Variants in PADI4 observed in about 807,000 individuals in gnomAD.
PADI4 encodes protein-arginine deiminase type-4.
A neutral mutation model predicts 75.0 loss-of-function variants in PADI4; 62 were observed. That is an observed-to-expected ratio of 0.83 (90% confidence interval 0.67 to 1.02). The LOEUF (loss-of-function observed/expected upper bound fraction) is 1.02. PADI4 is among the 50% of genes least tolerant of loss of function. The probability of loss-of-function intolerance (pLI) is 0.00; values close to 1 mark genes in which losing one functional copy is unlikely to be tolerated. For synonymous variants in PADI4, 361 were observed against 348.1 expected (o/e 1.04, Z -0.41); for missense variants, 845 against 850.5 (o/e 0.99, Z 0.08).
rs2074261934 is a variant in PADI4, at chr1:17,333,975, A to C, written c.306A>C (p.Pro102=). 8 of 1,613,012 alleles carry C rather than the reference A, an allele frequency of 5.0e-6. No individual in the cohort carries two copies. The highest frequency in any genetic ancestry group is 6.8e-6 in the Non-Finnish European group (8 of 1,179,020). Residue 102 remains proline, a synonymous_variant, in exon 3 of 16, where the codon CCA becomes CCC. Transcript: ENST00000375448. ...TTTCATACTACGGACCCAAGACTCC[A>C]CCAGTCAAAGCTCTACTCTACCTCA... ...VQISYYGPKT[P]PVKALLYLTG...
intron 13 of PADI4, among the ~76,000 whole-genome samples, chr1:17,357,504 G>A (rs1336477358): frequency 2.0e-5 from 3 of 152,112 alleles, no homozygotes; most frequent in Non-Finnish European, 2.9e-5. Flanking sequence ...CAACTAAATG[G>A]TACTTGTAGC....
intron 10 of PADI4, among the ~76,000 whole-genome samples, chr1:17,351,440 A>C (rs1043599611): frequency 6.7e-6 from 1 of 150,300 alleles, no homozygotes; most frequent in Non-Finnish European, 1.5e-5. Context: ...AAAAAAAAAA[A>C]ATTAAAAATA....
rs138607295 is a variant in PADI4 at position 17,346,289 on chromosome 1, G to A, written c.1047+150G>A. ...TAGGAACCTGAGAGATCCTTGGGCC[G>A]GGAGGCTCAAGCAAGTGATTCATCT... On this transcript the variant is annotated intron_variant, in intron 9 of 15. Transcript: ENST00000375448. The surrounding 1 kb of genome is among the most constrained non-coding windows in gnomAD (Gnocchi z 4.3). 930 of 600,400 alleles carry A rather than the reference G, an allele frequency of 1.5e-3. No individual in the cohort carries two copies. Among genetic ancestry groups the A allele is most frequent in the Non-Finnish European group, 2.3e-3 (774 of 332,338 alleles). The allele number at this position is 600,400 out of a possible 1,614,324, so 37.2% of individuals were successfully genotyped here.
intron 8 of PADI4, among the ~76,000 whole-genome samples, chr1:17,343,908 T>C (rs1436080938): frequency 1.3e-5 from 2 of 151,934 alleles, no homozygotes; most frequent in Admixed American, 1.3e-4. Context: ...TTGATACCAG[T>C]AGAGGGGGGC....
Position 17,354,531 on chromosome 1 carries a change from A to G in PADI4, c.1156-2A>G, listed in dbSNP as rs1263229516. 1 of 1,612,932 alleles carries G rather than the reference A, an allele frequency of 6.2e-7. No individual in the cohort carries two copies. Among genetic ancestry groups the G allele is most frequent in the Non-Finnish European group, 8.5e-7 (1 of 1,179,050 alleles). On this transcript the variant is annotated splice_acceptor_variant, in intron 10 of 15. Coordinates refer to ENST00000375448, the MANE Select transcript of PADI4 (RefSeq NM_012387.3). LOFTEE classifies it high-confidence loss of function. ...TCTTGGCACTCCCTTCTCCTATCTC[A>G]GGGTCCAGATTTTGGCTATGTAACT...
At chr1:17,355,095 T>A (rs947144072) in intron 11 of PADI4, among the ~76,000 whole-genome samples, 9 of 151,856 alleles carry the variant, frequency 5.9e-5, no homozygotes, top group African/African-American at 2.2e-4. Context: ...ACCAGGGAGG[T>A]CCTCTCTGGG....
intron 10 of PADI4, among the ~76,000 whole-genome samples, chr1:17,351,869 A>G (rs796617728): frequency 5.8e-5 from 8 of 137,514 alleles, no homozygotes; most frequent in East Asian, 2.0e-4. Flanking sequence ...AGGCAGTCAG[A>G]GAGGAGATAG....
chr1:17,362,290 C>T (rs548289831), intron 15 of PADI4, among the ~76,000 whole-genome samples: 35 of 146,228 alleles, frequency 2.4e-4, no homozygotes, highest in Admixed American at 9.8e-4. Context: ...GAGGTGGACA[C>T]TGCAGTGAGC....
At chr1:17,337,740 T>C (rs1748026) in intron 4 of PADI4, among the ~76,000 whole-genome samples, 97,040 of 151,082 alleles carry the variant, frequency 0.64, 31,282 homozygotes, top group Non-Finnish European at 0.67. Context: ...CATGGTGAAA[T>C]CCCATCTCTA....
At position 17,356,285 on chromosome 1, in the gene PADI4, C is replaced by G. The variant is rs183854438; in HGVS notation, c.1456-72C>G. On this transcript the variant is annotated intron_variant, in intron 12 of 15. Coordinates refer to ENST00000375448, the MANE Select transcript of PADI4 (RefSeq NM_012387.3). This position sits in a 1 kb window ranked among gnomAD's most constrained non-coding sequence, Gnocchi z 4.1. ...GGTCCAAGTCCACACTACTCCCACC[C>G]TCAGCAGATCCACCCTCGTTGGGAG... 7,468 of 1,288,440 alleles carry G rather than the reference C, an allele frequency of 5.8e-3. 34 individuals are homozygous for G. The highest frequency in any genetic ancestry group is 6.6e-3 in the Non-Finnish European group (6,067 of 922,108). The allele number at this position is 1,288,440 out of a possible 1,614,324, so 79.8% of individuals were successfully genotyped here.
intron 4 of PADI4, among the ~76,000 whole-genome samples, chr1:17,337,135 TTATTTATG>T (rs1016398679): frequency 1.3e-4 from 19 of 151,482 alleles, no homozygotes; most frequent in African/African-American, 3.9e-4. Flanking sequence ...TTTTATTTAT[TTATTTATG>T]TATTTATGTA....
intron 9 of PADI4, 32 bp from the exon 10 acceptor site, chr1:17,347,909 C>T (rs772235125): frequency 2.3e-5 from 31 of 1,336,224 alleles, no homozygotes; most frequent in South Asian, 1.0e-4. Flanking sequence ...AGGCAGCACG[C>T]GCAACAGCCT....
At chr1:17,363,422 G>A in intron 15 of PADI4, 100 bp from the exon 16 acceptor site, 2 of 767,794 alleles carry the variant, frequency 2.6e-6, no homozygotes, top group Non-Finnish European at 4.4e-6. Context: ...CACCCCTGGA[G>A]GGGCTATTAT....
At chr1:17,359,217 T>TTGCCCCCCCCCCCCC in intron 14 of PADI4, 63 bp from the exon 15 acceptor site, 1 of 647,814 alleles carries the variant, frequency 1.5e-6, no homozygotes, top group African/African-American at 1.9e-5. Context: ...CCCCACACTG[T>TTGCCCCCCCCCCCCC]CCCCCACCCC....
intron 6 of PADI4, among the ~76,000 whole-genome samples, chr1:17,340,107 C>G (rs1391949171): frequency 6.6e-6 from 1 of 151,922 alleles, no homozygotes; most frequent in African/African-American, 2.4e-5. Context: ...TGAGTGCAAG[C>G]TGACAGCATG....
At chr1:17,308,844 TGAGCCTCA>T (rs1436569149) in intron 1 of PADI4, among the ~76,000 whole-genome samples, 1 of 152,144 alleles carries the variant, frequency 6.6e-6, no homozygotes, top group Non-Finnish European at 1.5e-5. Flanking sequence ...CTTGGGCAAC[TGAGCCTCA>T]GTTGCCTCAT....
At chr1:17,351,421 T>C (rs1375016299) in intron 10 of PADI4, among the ~76,000 whole-genome samples, 1 of 142,454 alleles carries the variant, frequency 7.0e-6, no homozygotes. Context: ...TCAAACCCTG[T>C]CTCTACAAAA....
At chr1:17,341,755 G>C (rs565849278) in intron 6 of PADI4, among the ~76,000 whole-genome samples, 188 bp from the exon 7 acceptor site, 7 of 152,330 alleles carry the variant, frequency 4.6e-5, no homozygotes, top group Admixed American at 4.6e-4. Flanking sequence ...ACTTCAGCCG[G>C]GGAGCAGCGT....
In PADI4 at chr1:17,351,437, A is replaced by AG. The variant is rs1360945959; in HGVS notation, c.1156-3096_1156-3095insG. On this transcript the variant is annotated intron_variant, in intron 10 of 15. Transcript: ENST00000375448. The stretch of plus-strand genomic sequence containing the variant: ...CAAACCCTGTCTCTACAAAAAAAAA[A>AG]AAAATTAAAAATAAAAATAAAAATA... 2.0e-5 allele frequency among the ~76,000 whole-genome samples: 3 copies of AG among 151,332 alleles called. No individual in the cohort carries two copies. The East Asian group carries it at 5.8e-4, about 29-fold the overall frequency.
Sources: allele counts gnomAD v4.1 joint callset (sites outside exome capture counted in the v4.1 genomes callset), GRCh38; gene constraint gnomAD v4.1.1; non-coding constraint Gnocchi (gnomAD v3.1); transcripts MANE v1.5; gene names NCBI Gene and HGNC (gene_info 2026-07-23, HGNC 2026-07-21).